Variants in STIL observed in about 807,000 individuals in gnomAD.
STIL encodes STIL centriolar assembly protein.
A neutral mutation model predicts 110.1 loss-of-function variants in STIL; 55 were observed. That is an observed-to-expected ratio of 0.50 (90% CI 0.40 to 0.63). The LOEUF (loss-of-function observed/expected upper bound fraction) is 0.63. STIL is among the 20% of genes least tolerant of loss of function. The probability of loss-of-function intolerance (pLI) is 0.00; values close to 1 mark genes in which losing one functional copy is unlikely to be tolerated. For synonymous variants in STIL, 481 were observed against 530.0 expected, an observed-to-expected ratio of 0.91 and a Z score of 1.27; for missense variants, 1,358 against 1,530.0, an observed-to-expected ratio of 0.89 and a Z score of 1.87.
At chr1:47,306,436 T>C (rs1224650200) in intron 2 of STIL, among the ~76,000 whole-genome samples, 4 of 152,100 alleles carry the variant, frequency 2.6e-5, no homozygotes, top group Non-Finnish European at 5.9e-5. Context: ...GTAATTTTTG[T>C]AGACACAGGG....
intron 14 of STIL, among the ~76,000 whole-genome samples, chr1:47,266,821 T>C (rs1002806165): frequency 1.3e-5 from 2 of 152,176 alleles, no homozygotes; most frequent in South Asian, 4.1e-4. Flanking sequence ...CTTCAAAAAA[T>C]GAAAATCAGA....
rs541596340 is a variant in STIL at position 47,250,444 on chromosome 1, A to G, written c.*692T>C. 3.5e-5 allele frequency: 6 copies of G among 169,228 alleles called. No individual in the cohort carries two copies. Among genetic ancestry groups the G allele is most frequent in the Non-Finnish European group, 7.7e-5 (6 of 77,642 alleles). 10.5% of individuals were successfully genotyped at this position (169,228 alleles called of 1,614,324 possible). On this transcript the variant is annotated 3_prime_UTR_variant, in exon 17 of 17. Transcript: ENST00000371877. Reference sequence around the variant, plus strand: ...AAACTTAGGAAGGGTTGATTTCGCTAATTTACCCAACACCATGATAACTTA... The same window carrying G: ...AAACTTAGGAAGGGTTGATTTCGCTGATTTACCCAACACCATGATAACTTA...
intron 14 of STIL, among the ~76,000 whole-genome samples, chr1:47,265,257 A>AAAAAAAAAAAAAAAAAAAAAAAG (rs1557714156): frequency 6.6e-6 from 1 of 150,752 alleles, no homozygotes; most frequent in East Asian, 2.0e-4. Context: ...AAAAAAAAAA[A>AAAAAAAAAAAAAAAAAAAAAAAG]AAACACAAGA....
At chr1:47,266,408 A>C (rs577092379) in intron 14 of STIL, among the ~76,000 whole-genome samples, 81 of 152,320 alleles carry the variant, frequency 5.3e-4, no homozygotes, top group Non-Finnish European at 9.3e-4. Flanking sequence ...TTGAAGCCAG[A>C]GTACAATGGC....
At chr1:47,271,558 CAA>C (rs35926663) in intron 13 of STIL, among the ~76,000 whole-genome samples, 70 of 85,604 alleles carry the variant, frequency 8.2e-4, no homozygotes, top group Middle Eastern at 6.3e-3. Context: ...GACTCCGTCT[CAA>C]AAAAAAAAAA....
intron 14 of STIL, among the ~76,000 whole-genome samples, chr1:47,268,816 A>C (rs1171188188): frequency 6.6e-6 from 1 of 150,726 alleles, no homozygotes; most frequent in Non-Finnish European, 1.5e-5. Context: ...TTTCTCCGCC[A>C]GGTGTGGTGG....
intron 16 of STIL, among the ~76,000 whole-genome samples, chr1:47,257,012 C>T (rs1310058303): frequency 6.6e-6 from 1 of 151,758 alleles, no homozygotes; most frequent in African/African-American, 2.4e-5. Flanking sequence ...CTGAGAGGTC[C>T]AGGAAACTGA....
At chr1:47,303,053 T>C (rs1402901192) in intron 3 of STIL, among the ~76,000 whole-genome samples, 1 of 151,748 alleles carries the variant, frequency 6.6e-6, no homozygotes, top group Non-Finnish European at 1.5e-5. Flanking sequence ...AAAACCAAAA[T>C]ATAAGCCAGG....
At chr1:47,270,291 C>G (rs1644797690) in intron 13 of STIL, among the ~76,000 whole-genome samples, 1 of 149,104 alleles carries the variant, frequency 6.7e-6, no homozygotes, top group African/African-American at 2.5e-5. Context: ...CACACACACA[C>G]ACAATTACTT....
intron 5 of STIL, among the ~76,000 whole-genome samples, chr1:47,301,086 G>A (rs1645790592): frequency 6.6e-6 from 1 of 152,034 alleles, no homozygotes; most frequent in Non-Finnish European, 1.5e-5. Context: ...TCATCAGGCT[G>A]GCAGACAAGG....
At chr1:47,293,435 C>G in intron 8 of STIL, 23 bp downstream of exon 8, 1 of 1,589,284 alleles carries the variant, frequency 6.3e-7, no homozygotes, top group African/African-American at 1.3e-5. Flanking sequence ...AAATAAAGTA[C>G]TACAGAATAA....
chr1:47,305,889 A>C (rs1406461499), intron 2 of STIL, among the ~76,000 whole-genome samples: 2 of 150,676 alleles, frequency 1.3e-5, no homozygotes, highest in South Asian at 4.2e-4. Flanking sequence ...CTGCCACCAC[A>C]CGCAGGTAAT....
intron 10 of STIL, chr1:47,282,983 C>CA (rs1645193051): frequency 6.5e-6 from 1 of 153,060 alleles, no homozygotes; most frequent in Non-Finnish European, 1.5e-5. Flanking sequence ...GCATGCCCAG[C>CA]AAAACAGAAA....
chr1:47,301,917 A>G (rs138675352), intron 4 of STIL, among the ~76,000 whole-genome samples, 169 bp from the exon 5 acceptor site: 266 of 152,330 alleles, frequency 1.7e-3, no homozygotes, highest in African/African-American at 5.9e-3. Context: ...AGCGTATACT[A>G]AAGTCTTACT....
intron 16 of STIL, among the ~76,000 whole-genome samples, chr1:47,259,237 C>T (rs556380277): frequency 1.3e-3 from 193 of 148,488 alleles, no homozygotes; most frequent in African/African-American, 4.5e-3. Flanking sequence ...CCGCCCACCT[C>T]GGCTTCCCAA....
At chr1:47,261,332 G>A (rs1233633238) in intron 15 of STIL, among the ~76,000 whole-genome samples, 1 of 151,580 alleles carries the variant, frequency 6.6e-6, no homozygotes, top group Admixed American at 6.6e-5. Flanking sequence ...AGGTTGCAGA[G>A]AGCTGAGATG....
intron 3 of STIL, among the ~76,000 whole-genome samples, chr1:47,304,106 T>C (rs1452792591): frequency 6.6e-6 from 1 of 152,064 alleles, no homozygotes; most frequent in Non-Finnish European, 1.5e-5. Context: ...AGTACTAGAA[T>C]CAGGATTTGA....
At chr1:47,296,649 CA>C (rs1312215865) in intron 6 of STIL, among the ~76,000 whole-genome samples, 66 of 144,816 alleles carry the variant, frequency 4.6e-4, no homozygotes, top group Admixed American at 6.2e-4. Flanking sequence ...ACTGAATATA[CA>C]AAAAAAAAAA....
chr1:47,286,200 G>A (rs907019755), intron 10 of STIL, among the ~76,000 whole-genome samples: 2 of 151,976 alleles, frequency 1.3e-5, no homozygotes, highest in African/African-American at 2.4e-5. Context: ...ATTGTATAAT[G>A]AAAGTATCAT....
Sources: gnomAD v4.1 joint callset for allele counts (sites outside exome capture counted in the v4.1 genomes callset) on GRCh38, gnomAD v4.1.1 for gene constraint, MANE v1.5 for transcripts, NCBI Gene and HGNC (gene_info 2026-07-23, HGNC 2026-07-21) for gene names.